The following ADGRA3 variants were observed in gnomAD, a reference collection of about 807,000 sequenced individuals.
The protein encoded by ADGRA3 is adhesion G protein-coupled receptor A3.
Under a neutral mutation model 119.8 loss-of-function variants are expected in ADGRA3, and 56 were observed. That is an observed-to-expected ratio of 0.47 (90% CI 0.38 to 0.58). The LOEUF is 0.58. Among genes scored for constraint, ADGRA3 ranks in the 20% least tolerant of loss-of-function variants. ADGRA3 has a pLI of 0.00. For synonymous variants in ADGRA3, 607 were observed against 623.8 expected, an observed-to-expected ratio of 0.97 and a Z score of 0.40; for missense variants, 1,516 against 1,649.0, an observed-to-expected ratio of 0.92 and a Z score of 1.40.
intron 1 of ADGRA3, among the ~76,000 whole-genome samples, chr4:22,510,456 A>G (rs558238027): frequency 6.6e-6 from 1 of 152,166 alleles, no homozygotes; most frequent in East Asian, 1.9e-4. Flanking sequence ...CAGCCTCTGC[A>G]GAGGCTCCTT....
At chr4:22,409,340 T>C (rs1024656786) in intron 14 of ADGRA3, among the ~76,000 whole-genome samples, 2 of 152,082 alleles carry the variant, frequency 1.3e-5, no homozygotes, top group African/African-American at 4.8e-5. Context: ...GAGAAATATC[T>C]AAATAAATTA....
At chr4:22,436,302 A>G in intron 9 of ADGRA3, 138 bp downstream of exon 9, 1 of 649,350 alleles carries the variant, frequency 1.5e-6, no homozygotes, top group South Asian at 2.0e-5. Flanking sequence ...GATCCTGAAG[A>G]CAGTTAAGTC....
At position 22,442,680 on chromosome 4, in the gene ADGRA3, T is replaced by C. The variant is rs149071206; in HGVS notation, c.890A>G (p.Asn297Ser). ...AATCAAGGAGCAGTTGTGAATCATG[T>C]TCTTTTCAACAAAAATACCTTGCGA... ...DESQGIFVEK[N>S]MIHNCSLIAS... Residue 297 changes from asparagine to serine, a missense_variant, in exon 7 of 19, where the codon AAC (asparagine) becomes AGC (serine). Asn to Ser is a conservative substitution (Grantham distance 46). This residue lies in a region of ADGRA3 where 428 missense variants were observed against 541.9 expected (regional missense o/e 0.79). Transcript: ENST00000334304. 1.9e-6 allele frequency: 3 copies of C among 1,613,410 alleles called. No homozygotes were observed. The highest frequency in any genetic ancestry group is 2.7e-5 in the African/African-American group (2 of 74,844).
Position 22,436,507 on chromosome 4 carries a change from G to T in ADGRA3, c.1220C>A (p.Ala407Glu). 6.2e-7 allele frequency: 1 copy of T among 1,613,112 alleles called. No individual in the cohort carries two copies. Among genetic ancestry groups the T allele is most frequent in the Non-Finnish European group, 8.5e-7 (1 of 1,179,842 alleles). The change falls in exon 9 of 19, where the codon GCA becomes GAA. Residue 407 changes from alanine to glutamate, a missense_variant. By Grantham distance (107) the Ala-to-Glu change is moderately radical. Around this residue, in one of 2 missense-constraint regions of ADGRA3, gnomAD observed 428 missense variants for 541.9 expected, o/e 0.79. Coordinates refer to ENST00000334304, the MANE Select transcript of ADGRA3 (RefSeq NM_145290.4). ...CTGACAGCGAGAATAATCATCATCT[G>T]CCCAAAAGCCACCTCTATCACATCT... is the stretch of plus-strand genomic sequence containing the variant. ...WRRCDRGGFWADDDYSRCQYA... is the reference protein window; with the variant it reads ...WRRCDRGGFWEDDDYSRCQYA...
intron 8 of ADGRA3, 93 bp downstream of exon 8, chr4:22,438,163 T>C: frequency 1.0e-6 from 1 of 963,804 alleles, no homozygotes; most frequent in Non-Finnish European, 1.6e-6. Flanking sequence ...TCTCAAATTT[T>C]GTTACTCAGG....
Position 22,515,975 on chromosome 4 carries a change from G to A in ADGRA3, c.-191C>T. On this transcript the variant is annotated 5_prime_UTR_variant, in exon 1 of 19. Transcript: ENST00000334304. ...GCTGCGCTGGGCCTCTAGGGAGCCG[G>A]GGGTCACGGCCGCATGGGTCCCAGC... is the stretch of plus-strand genomic sequence containing the variant. 1 of 188,402 alleles carries A rather than the reference G, an allele frequency of 5.3e-6. No individual in the cohort carries two copies. The highest frequency in any genetic ancestry group is 9.9e-6 in the Non-Finnish European group (1 of 101,240). 11.7% of individuals were successfully genotyped at this position (188,402 alleles called of 1,614,324 possible).
intron 1 of ADGRA3, among the ~76,000 whole-genome samples, chr4:22,498,656 C>G (rs1245409688): frequency 6.6e-6 from 1 of 152,080 alleles, no homozygotes; most frequent in African/African-American, 2.4e-5. Flanking sequence ...TGGCTCACGC[C>G]TGTAATCCCA....
intron 3 of ADGRA3, among the ~76,000 whole-genome samples, chr4:22,457,912 A>C (rs1288477138): frequency 6.6e-6 from 1 of 152,236 alleles, no homozygotes; most frequent in Non-Finnish European, 1.5e-5. Context: ...GTTTTCTTCA[A>C]ACTATATCTC....
chr4:22,465,366 G>T (rs1489199732), intron 2 of ADGRA3, among the ~76,000 whole-genome samples: 1 of 152,086 alleles, frequency 6.6e-6, no homozygotes, highest in Non-Finnish European at 1.5e-5. Flanking sequence ...ATACGACTTT[G>T]GTCTAACTAA....
intron 10 of ADGRA3, among the ~76,000 whole-genome samples, chr4:22,429,648 T>TAA (rs113495534): frequency 6.8e-6 from 1 of 147,984 alleles, no homozygotes; most frequent in African/African-American, 2.5e-5. Flanking sequence ...AGAAGGAGGT[T>TAA]AAAAAAAAAA....
intron 1 of ADGRA3, among the ~76,000 whole-genome samples, chr4:22,503,639 A>ACGACGTCT (rs34871343): frequency 6.6e-6 from 1 of 152,090 alleles, no homozygotes; most frequent in Non-Finnish European, 1.5e-5. Flanking sequence ...ACATGAGGAA[A>ACGACGTCT]CTGACACCTC....
At chr4:22,402,579 GGAT>G (rs1714711603) in intron 15 of ADGRA3, 93 bp downstream of exon 15, 7 of 1,269,394 alleles carry the variant, frequency 5.5e-6, no homozygotes, top group Non-Finnish European at 7.7e-6. Context: ...TGGAAATACA[GGAT>G]GATAACAAAC....
At chr4:22,449,770 A>T (rs150805450) in intron 4 of ADGRA3, among the ~76,000 whole-genome samples, 160 of 151,868 alleles carry the variant, frequency 1.1e-3, no homozygotes, top group African/African-American at 3.6e-3. Flanking sequence ...CTTAAGCCTA[A>T]GGCTAAGCGG....
chr4:22,427,260 C>T (rs570163095), intron 10 of ADGRA3, among the ~76,000 whole-genome samples: 5 of 152,100 alleles, frequency 3.3e-5, no homozygotes, highest in Non-Finnish European at 7.4e-5. Flanking sequence ...GCAGTGCTTA[C>T]AGATTAGCAA....
chr4:22,407,233 T>G (rs566031799), intron 14 of ADGRA3, among the ~76,000 whole-genome samples: 14 of 152,316 alleles, frequency 9.2e-5, no homozygotes, highest in Non-Finnish European at 2.1e-4. Flanking sequence ...ATCAAGCCAC[T>G]GCCCTCCAGC....
chr4:22,501,765 G>A (rs373632263), intron 1 of ADGRA3, among the ~76,000 whole-genome samples: 6 of 138,464 alleles, frequency 4.3e-5, no homozygotes, highest in African/African-American at 1.5e-4. Context: ...ACAAAAAAAT[G>A]GGAAAAGATG....
At chr4:22,480,120 T>C (rs746449505) in intron 1 of ADGRA3, among the ~76,000 whole-genome samples, 3 of 152,164 alleles carry the variant, frequency 2.0e-5, no homozygotes, top group Non-Finnish European at 2.9e-5. Context: ...GTCCTGCACA[T>C]GTATCTCAGC....
chr4:22,433,189 C>T (rs950301825), intron 10 of ADGRA3, among the ~76,000 whole-genome samples: 3 of 152,198 alleles, frequency 2.0e-5, no homozygotes, highest in South Asian at 2.1e-4. Flanking sequence ...GTTGCCATCA[C>T]TTGCTTCCGA....
At chr4:22,409,653 A>G (rs1427980749) in intron 14 of ADGRA3, among the ~76,000 whole-genome samples, 1 of 152,156 alleles carries the variant, frequency 6.6e-6, no homozygotes, top group East Asian at 1.9e-4. Flanking sequence ...TGCTTAATAA[A>G]GATTGGCCAC....
Sources: gnomAD v4.1 joint callset for allele counts (sites outside exome capture counted in the v4.1 genomes callset) on GRCh38, gnomAD v4.1.1 for gene constraint, gnomAD v4.1.1 regional missense constraint, MANE v1.5 for transcripts, NCBI Gene and HGNC (gene_info 2026-07-23, HGNC 2026-07-21) for gene names.